TSPAN12: variants seen among roughly 807,000 people sequenced by gnomAD.
TSPAN12 encodes the protein tetraspanin 12, also known as tetraspanin-12.
A neutral mutation model predicts 39.2 loss-of-function variants in TSPAN12; 19 were observed. The observed-to-expected ratio is 0.49, with a 90% CI of 0.34 to 0.71. TSPAN12 has a LOEUF of 0.71. Ranked by LOEUF, TSPAN12 falls within the 30% of genes least tolerant of loss-of-function variation. TSPAN12 has a pLI of 0.01. For missense variants in TSPAN12, 314 were observed against 359.9 expected (o/e 0.87, Z 1.03); for synonymous variants, 119 against 124.8 (o/e 0.95, Z 0.31).
intron 7 of TSPAN12, among the ~76,000 whole-genome samples, chr7:120,798,947 A>C (rs1453588805): frequency 6.6e-6 from 1 of 152,192 alleles, no homozygotes; most frequent in Non-Finnish European, 1.5e-5. Context: ...CATAAAGACA[A>C]TAGCAATTAA....
intron 7 of TSPAN12, 59 bp from the exon 8 acceptor site, chr7:120,788,956 G>C (rs75491664): frequency 6.5e-7 from 1 of 1,542,130 alleles, no homozygotes; most frequent in African/African-American, 1.4e-5. Context: ...GCCAAAAATA[G>C]TTAATGAAAG....
chr7:120,831,301 T>C (rs1794386288), intron 4 of TSPAN12, among the ~76,000 whole-genome samples: 1 of 152,018 alleles, frequency 6.6e-6, no homozygotes, highest in Non-Finnish European at 1.5e-5. Context: ...TGAGTGTACA[T>C]CCAAACGAAA....
intron 4 of TSPAN12, 129 bp downstream of exon 4, chr7:120,838,647 AC>A: frequency 1.1e-6 from 1 of 937,814 alleles, no homozygotes; most frequent in Non-Finnish European, 1.6e-6. Context: ...CTCTTGTGAA[AC>A]GAAAGCGTCC....
intron 6 of TSPAN12, among the ~76,000 whole-genome samples, chr7:120,809,417 AAGTT>A (rs1463868869): frequency 1.3e-5 from 2 of 152,184 alleles, no homozygotes; most frequent in Non-Finnish European, 2.9e-5. Flanking sequence ...TAAATAAACA[AAGTT>A]AGGAAGCACT....
At chr7:120,842,715 C>T (rs1794601740) in intron 2 of TSPAN12, among the ~76,000 whole-genome samples, 1 of 152,058 alleles carries the variant, frequency 6.6e-6, no homozygotes, top group Non-Finnish European at 1.5e-5. Flanking sequence ...GTTTAAATGT[C>T]TGAACTATTT....
chr7:120,830,234 T>C (rs182153345), intron 4 of TSPAN12, among the ~76,000 whole-genome samples: 6 of 152,242 alleles, frequency 3.9e-5, no homozygotes, highest in African/African-American at 2.4e-5. Flanking sequence ...CAAAGTGACC[T>C]ACAAATTCAA....
At chr7:120,853,872 C>CAAAAAAAAAA (rs749642006) in intron 2 of TSPAN12, among the ~76,000 whole-genome samples, 2 of 97,770 alleles carry the variant, frequency 2.0e-5, no homozygotes, top group Admixed American at 1.1e-4. Flanking sequence ...GACTCCGTCC[C>CAAAAAAAAAA]AAAAAAAAAA....
Position 120,799,934 on chromosome 7 carries a change from A to G in TSPAN12, c.612+6615T>C, listed in dbSNP as rs1793732519. 2.1e-5 allele frequency among the ~76,000 whole-genome samples: 3 copies of G among 146,038 alleles called. No individual in the cohort carries two copies. The South Asian group carries it at 6.3e-4, about 31-fold the overall frequency. ...TATTATATTAAATATTTATTATAATAGAATGTTGTATATGAAAATTACAAA... is the reference window on the plus strand; with the variant it reads ...TATTATATTAAATATTTATTATAATGGAATGTTGTATATGAAAATTACAAA... On this transcript the variant is annotated intron_variant, in intron 7 of 7. Coordinates refer to ENST00000222747, the MANE Select transcript of TSPAN12 (RefSeq NM_012338.4).
intron 4 of TSPAN12, among the ~76,000 whole-genome samples, chr7:120,830,290 G>GA (rs1312100757): frequency 2.0e-5 from 3 of 151,408 alleles, no homozygotes; most frequent in South Asian, 2.1e-4. Context: ...ACAGAAACAG[G>GA]AAAAAAAATC....
At chr7:120,821,872 T>C (rs1391555102) in intron 4 of TSPAN12, among the ~76,000 whole-genome samples, 9 of 152,146 alleles carry the variant, frequency 5.9e-5, no homozygotes, top group Admixed American at 5.9e-4. Flanking sequence ...CACAAAAGGG[T>C]GTCTAATCCC....
chr7:120,814,392 C>T (rs1458852253), intron 5 of TSPAN12: 2 of 389,862 alleles, frequency 5.1e-6, no homozygotes, highest in Non-Finnish European at 1.0e-5. Flanking sequence ...TCTGATTGAG[C>T]ACATCTGGGC....
intron 4 of TSPAN12, among the ~76,000 whole-genome samples, chr7:120,830,397 T>G (rs1012754705): frequency 6.6e-6 from 1 of 152,002 alleles, no homozygotes; most frequent in African/African-American, 2.4e-5. Context: ...GATTTCAAAA[T>G]ATATTATAAA....
At chr7:120,826,814 C>G (rs1401975240) in intron 4 of TSPAN12, among the ~76,000 whole-genome samples, 1 of 152,118 alleles carries the variant, frequency 6.6e-6, no homozygotes, top group Non-Finnish European at 1.5e-5. Context: ...CCTCCCCATC[C>G]CAGGTTCAAG....
chr7:120,807,868 A>T (rs974435351), intron 6 of TSPAN12, among the ~76,000 whole-genome samples: 2 of 152,096 alleles, frequency 1.3e-5, no homozygotes, highest in African/African-American at 4.8e-5. Context: ...CTTAAAAAAT[A>T]CTTTATATAT....
At chr7:120,810,637 C>CAT in intron 5 of TSPAN12, 67 bp from the exon 6 acceptor site, 1 of 795,286 alleles carries the variant, frequency 1.3e-6, no homozygotes, top group East Asian at 2.5e-5. Flanking sequence ...CACACACACA[C>CAT]ACACACACAC....
At position 120,839,926 on chromosome 7, in the gene TSPAN12, T is replaced by C. The variant is rs190865763; in HGVS notation, c.149+101A>G. 302 of 1,012,214 alleles carry C rather than the reference T, an allele frequency of 3.0e-4. 2 individuals are homozygous for C. In the African/African-American group the frequency reaches 4.4e-3, roughly 15 times the overall value. The allele number at this position is 1,012,214 out of a possible 1,614,324, so 62.7% of individuals were successfully genotyped here. On this transcript the variant is annotated intron_variant, in intron 3 of 7. Coordinates refer to ENST00000222747, the MANE Select transcript of TSPAN12 (RefSeq NM_012338.4). ...AAAGGTTGCTATGGGCAGGAAAAAC[T>C]TTTCCAAAAGATCAAGGAAGAGCAC...
intron 4 of TSPAN12, among the ~76,000 whole-genome samples, chr7:120,823,014 A>G (rs1167189342): frequency 1.3e-5 from 2 of 152,234 alleles, no homozygotes; most frequent in Non-Finnish European, 2.9e-5. Context: ...TACAGCCATC[A>G]GAATTAATGC....
chr7:120,799,579 T>C, intron 7 of TSPAN12, among the ~76,000 whole-genome samples: 1 of 112,234 alleles, frequency 8.9e-6, no homozygotes, highest in African/African-American at 3.6e-5. Context: ...TTTATATAAT[T>C]ATATGTAATA....
In TSPAN12 at chr7:120,794,884, T is replaced by A. The variant is rs527999250; in HGVS notation, c.613-5987A>T. Among the ~76,000 whole-genome samples, 7 of 152,330 alleles carry A rather than the reference T, an allele frequency of 4.6e-5. No homozygotes were observed. In the East Asian group the frequency reaches 9.6e-4, roughly 21 times the overall value. On this transcript the variant is annotated intron_variant, in intron 7 of 7. Coordinates refer to ENST00000222747, the MANE Select transcript of TSPAN12 (RefSeq NM_012338.4). ...TTCTGTCTGTTCTGAATCACTCTTA[T>A]TGAAGTAATTCAACCTGAACATAAC...
Sources: allele counts gnomAD v4.1 joint callset (sites outside exome capture counted in the v4.1 genomes callset), GRCh38; gene constraint gnomAD v4.1.1; transcripts MANE v1.5; gene names NCBI Gene and HGNC (gene_info 2026-07-23, HGNC 2026-07-21).